GRID1: variants seen among roughly 807,000 people sequenced by gnomAD.
GRID1 encodes glutamate receptor ionotropic, delta-1.
GRID1 carries 28 observed loss-of-function variants against 98.0 expected under a neutral mutation model. The ratio of observed to expected loss-of-function variants is 0.29; its 90% CI spans 0.21 to 0.39. The LOEUF is 0.39. GRID1 is among the 10% of genes least tolerant of loss of function. The pLI is 1.00. For synonymous variants in GRID1, 553 were observed against 538.5 expected (o/e 1.03, Z -0.37); for missense variants, 1,111 against 1,340.5 (o/e 0.83, Z 2.67).
At chr10:85,604,336 C>G (rs887042005) in intron 15 of GRID1, among the ~76,000 whole-genome samples, 1 of 152,192 alleles carries the variant, frequency 6.6e-6, no homozygotes, top group African/African-American at 2.4e-5. Flanking sequence ...ACAAGTCATT[C>G]CAGGGCAGGA....
intron 4 of GRID1, among the ~76,000 whole-genome samples, chr10:86,070,290 T>C (rs960543563): frequency 6.6e-6 from 1 of 152,098 alleles, no homozygotes; most frequent in Non-Finnish European, 1.5e-5. Flanking sequence ...TCTGTGCCAG[T>C]TGTGGAAATC....
At chr10:85,986,335 G>T (rs528550729) in intron 4 of GRID1, among the ~76,000 whole-genome samples, 2 of 152,350 alleles carry the variant, frequency 1.3e-5, no homozygotes, top group African/African-American at 2.4e-5. Flanking sequence ...CAAATGAGAT[G>T]CCCTGGGAGA....
intron 2 of GRID1, among the ~76,000 whole-genome samples, chr10:86,240,228 A>G (rs1846605875): frequency 6.6e-6 from 1 of 152,218 alleles, no homozygotes; most frequent in Admixed American, 6.5e-5. Flanking sequence ...AGAAGCGGAC[A>G]CTGTACCTGA....
At chr10:86,111,752 C>T (rs138355707) in intron 4 of GRID1, among the ~76,000 whole-genome samples, 306 of 152,322 alleles carry the variant, frequency 2.0e-3, no homozygotes, top group African/African-American at 6.8e-3. Flanking sequence ...CAGTGTTTGG[C>T]TGGTCCAATC....
chr10:86,265,473 G>A (rs1847090008), intron 2 of GRID1, among the ~76,000 whole-genome samples: 1 of 152,236 alleles, frequency 6.6e-6, no homozygotes, highest in Non-Finnish European at 1.5e-5. Flanking sequence ...CTTGCCCACA[G>A]GCATAGAGCT....
At chr10:86,187,429 C>G (rs1845740919) in intron 3 of GRID1, among the ~76,000 whole-genome samples, 1 of 152,222 alleles carries the variant, frequency 6.6e-6, no homozygotes, top group African/African-American at 2.4e-5. Context: ...AGGATTTGAA[C>G]TCAGACAGTC....
At chr10:85,631,984 T>TGC (rs1272897042) in intron 13 of GRID1, among the ~76,000 whole-genome samples, 201 of 130,430 alleles carry the variant, frequency 1.5e-3, no homozygotes, top group East Asian at 3.3e-3. Flanking sequence ...TAAACACATA[T>TGC]GCACACACAC....
intron 13 of GRID1, among the ~76,000 whole-genome samples, chr10:85,629,911 T>C (rs961994748): frequency 2.6e-5 from 4 of 152,226 alleles, no homozygotes; most frequent in African/African-American, 9.6e-5. Context: ...TTCTGACTGG[T>C]GTAAGTGATA....
chr10:85,842,161 C>A (rs1460519254), intron 8 of GRID1, among the ~76,000 whole-genome samples: 1 of 152,068 alleles, frequency 6.6e-6, no homozygotes. Flanking sequence ...AGAACAAGAT[C>A]ATGTCCCTTG....
chr10:86,341,522 G>A (rs959723771), intron 2 of GRID1, among the ~76,000 whole-genome samples: 19 of 152,128 alleles, frequency 1.2e-4, no homozygotes, highest in African/African-American at 4.1e-4. Context: ...CAGGGCTCCC[G>A]GCCACGGCTT....
At chr10:86,216,855 G>A (rs1346452937) in intron 2 of GRID1, among the ~76,000 whole-genome samples, 2 of 152,172 alleles carry the variant, frequency 1.3e-5, no homozygotes, top group African/African-American at 2.4e-5. Flanking sequence ...TAGACTAAGG[G>A]GGAAAGAAAG....
intron 5 of GRID1, among the ~76,000 whole-genome samples, chr10:85,876,315 C>T (rs1196925911): frequency 6.6e-6 from 1 of 151,976 alleles, no homozygotes; most frequent in Non-Finnish European, 1.5e-5. Context: ...CTTCTGGTGG[C>T]CGTCAGCATT....
chr10:86,121,428 TATC>T (rs1350660293), intron 4 of GRID1, among the ~76,000 whole-genome samples: 44 of 29,822 alleles, frequency 1.5e-3, no homozygotes, highest in Non-Finnish European at 3.0e-3. Context: ...TTATCACCAT[TATC>T]ATCATCATTA....
chr10:85,660,080 T>C (rs1840948021), intron 12 of GRID1, among the ~76,000 whole-genome samples: 1 of 152,212 alleles, frequency 6.6e-6, no homozygotes, highest in African/African-American at 2.4e-5. Context: ...CCATTAGCAA[T>C]GCCAGGTGCC....
rs151087283 is a variant in GRID1 at position 85,910,222 on chromosome 10, T to A, written c.780+5964A>T. Among the ~76,000 whole-genome samples, 308 of 152,352 alleles carry A rather than the reference T, an allele frequency of 2.0e-3. 2 individuals are homozygous for A. Among genetic ancestry groups the A allele is most frequent in the African/African-American group, 7.0e-3 (292 of 41,582 alleles). On this transcript the variant is annotated intron_variant, in intron 5 of 15. Coordinates refer to ENST00000327946, the MANE Select transcript of GRID1 (RefSeq NM_017551.3). ...ACTGAACAGTCCAACAGAATTGGAA[T>A]CTTCAAAATAAAAGGAAGAAAAAAA...
chr10:85,690,387 C>T (rs1590191365), intron 12 of GRID1, among the ~76,000 whole-genome samples: 2 of 152,140 alleles, frequency 1.3e-5, no homozygotes, highest in East Asian at 3.8e-4. Context: ...TTCAACTAAG[C>T]AATAATCTGC....
Position 85,601,493 on chromosome 10 carries a change from T to A in GRID1, c.*780A>T, listed in dbSNP as rs1362222546. On this transcript the variant is annotated 3_prime_UTR_variant, in exon 16 of 16. Coordinates refer to ENST00000327946, the MANE Select transcript of GRID1 (RefSeq NM_017551.3). ...CCCCAATATTCTATCACTTTTTGAT[T>A]CTTCTAATTTTGAAAAGAAAATGAA... 1 of 152,190 alleles carries A rather than the reference T, an allele frequency of 6.6e-6. No individual in the cohort carries two copies. Among genetic ancestry groups the A allele is most frequent in the African/African-American group, 2.4e-5 (1 of 41,422 alleles). The allele number at this position is 152,190 out of a possible 1,614,324, so 9.4% of individuals were successfully genotyped here.
At chr10:85,911,690 C>T (rs1841541275) in intron 5 of GRID1, among the ~76,000 whole-genome samples, 1 of 152,200 alleles carries the variant, frequency 6.6e-6, no homozygotes, top group African/African-American at 2.4e-5. Context: ...AGCTGCCCAG[C>T]AACAAACACA....
intron 4 of GRID1, among the ~76,000 whole-genome samples, chr10:86,126,620 C>T (rs944641324): frequency 6.6e-6 from 1 of 152,222 alleles, no homozygotes; most frequent in Non-Finnish European, 1.5e-5. Flanking sequence ...TGCAATAAAT[C>T]AGACATTACC....
Sources: gnomAD v4.1 joint callset for allele counts (sites outside exome capture counted in the v4.1 genomes callset) on GRCh38, gnomAD v4.1.1 for gene constraint, MANE v1.5 for transcripts, NCBI Gene and HGNC (gene_info 2026-07-23, HGNC 2026-07-21) for gene names.